The following AIG1 variants were observed in gnomAD, a reference collection of about 807,000 sequenced individuals.
The protein encoded by AIG1 is androgen-induced gene 1 protein.
Under a neutral mutation model 31.4 loss-of-function variants are expected in AIG1, and 23 were observed. That is an observed-to-expected ratio of 0.73 (90% CI 0.53 to 1.04). The LOEUF (loss-of-function observed/expected upper bound fraction) is 1.04, where lower values mean the gene tolerates loss of function less well. AIG1 is among the 50% of genes least tolerant of loss of function. The pLI, the probability that AIG1 is intolerant of heterozygous loss-of-function variation, is 0.00. For synonymous variants in AIG1, 100 were observed against 110.5 expected (o/e 0.90, Z 0.60); for missense variants, 274 against 295.0 (o/e 0.93, Z 0.52).
intron 3 of AIG1, among the ~76,000 whole-genome samples, chr6:143,185,079 C>T (rs1480728027): frequency 6.6e-6 from 1 of 151,876 alleles, no homozygotes; most frequent in Non-Finnish European, 1.5e-5. Flanking sequence ...GCCTGTAGTC[C>T]CACCTACTTG....
Position 143,297,001 on chromosome 6 carries a change from G to A in AIG1, c.515+12776G>A, listed in dbSNP as rs1798469756. 6.6e-6 allele frequency among the ~76,000 whole-genome samples: 1 copy of A among 152,232 alleles called. No individual in the cohort carries two copies. Among genetic ancestry groups the A allele is most frequent in the South Asian group, 2.1e-4 (1 of 4,834 alleles). On this transcript the variant is annotated intron_variant, in intron 4 of 5. Coordinates refer to ENST00000357847, the MANE Select transcript of AIG1 (RefSeq NM_016108.4). The surrounding 1 kb of genome is among the most constrained non-coding windows in gnomAD (Gnocchi z 5.1). ...GTGCAGGAGGTAGACTATGGAAGAA[G>A]CTTCAGCTCTGTCCTCAAGGAGCTT...
At chr6:143,126,113 T>G (rs978527000) in intron 1 of AIG1, 1 of 152,198 alleles carries the variant, frequency 6.6e-6, no homozygotes, top group Non-Finnish European at 1.5e-5. Flanking sequence ...ATTTCGGTCA[T>G]TACAGTGAGA....
intron 1 of AIG1, among the ~76,000 whole-genome samples, chr6:143,071,959 T>TA (rs1562344542): frequency 6.7e-6 from 1 of 149,996 alleles, no homozygotes. Context: ...TGTTTTTTTT[T>TA]AAATTTTTTT....
Position 143,105,618 on chromosome 6 carries a change from A to G in AIG1, c.142-31217A>G, listed in dbSNP as rs118041868. Among the ~76,000 whole-genome samples, 1,269 of 152,372 alleles carry G rather than the reference A, an allele frequency of 8.3e-3. 8 individuals carry two copies. The highest frequency in any genetic ancestry group is 0.014 in the Non-Finnish European group (920 of 68,030). ...ACAGTCCTATCCTTGAATTGGCAAT[A>G]TAAGCGAAGGATCGTTTTAGGTTAG... On this transcript the variant is annotated intron_variant, in intron 1 of 5. Coordinates refer to ENST00000357847, the MANE Select transcript of AIG1 (RefSeq NM_016108.4).
chr6:143,101,472 G>T (rs1424604975), intron 1 of AIG1, among the ~76,000 whole-genome samples: 1 of 152,180 alleles, frequency 6.6e-6, no homozygotes, highest in East Asian at 1.9e-4. Context: ...AGGATTAAGG[G>T]TCTAGATTCC....
At chr6:143,190,067 G>A in intron 3 of AIG1, 1 of 630,388 alleles carries the variant, frequency 1.6e-6, no homozygotes, top group Non-Finnish European at 2.0e-6. Context: ...CCCATTCATT[G>A]AGGATTCCAC....
Position 143,307,786 on chromosome 6 carries a change from C to T in AIG1, c.515+23561C>T, listed in dbSNP as rs567997190. 1.9e-4 allele frequency among the ~76,000 whole-genome samples: 29 copies of T among 152,362 alleles called. No homozygotes were observed. In the East Asian group the frequency reaches 5.2e-3, roughly 27 times the overall value. ...AGGTTACTGCTGTCTTTTTGTTTGT[C>T]TGTGCCCTGCCCCCAGAGGTGGAGC... On this transcript the variant is annotated intron_variant, in intron 4 of 5. Transcript: ENST00000357847.
chr6:143,213,993 A>T (rs6916926), intron 3 of AIG1, among the ~76,000 whole-genome samples: 1 of 152,196 alleles, frequency 6.6e-6, no homozygotes, highest in Admixed American at 6.5e-5. Flanking sequence ...CTAGAGAAAC[A>T]GATCTTTCAT....
At chr6:143,244,753 C>T (rs780746576) in intron 3 of AIG1, among the ~76,000 whole-genome samples, 28 of 152,280 alleles carry the variant, frequency 1.8e-4, no homozygotes, top group Non-Finnish European at 3.1e-4. Context: ...ATCTCAGTGT[C>T]TTATCAGGTG....
intron 5 of AIG1, 52 bp from the exon 6 acceptor site, chr6:143,339,587 T>A: frequency 5.0e-6 from 8 of 1,584,398 alleles, no homozygotes; most frequent in Non-Finnish European, 6.9e-6. Flanking sequence ...TTAAACAAAC[T>A]GCTTGTGGTT....
intron 3 of AIG1, among the ~76,000 whole-genome samples, chr6:143,219,156 T>C (rs965426720): frequency 5.3e-5 from 8 of 152,190 alleles, no homozygotes; most frequent in African/African-American, 1.9e-4. Context: ...GAGTAGCAAA[T>C]GCCATATCTG....
At chr6:143,320,855 C>G (rs982078995) in intron 4 of AIG1, among the ~76,000 whole-genome samples, 1 of 141,866 alleles carries the variant, frequency 7.0e-6, no homozygotes, top group African/African-American at 2.6e-5. Flanking sequence ...GAGTTTCGCT[C>G]TTGTTGCCCA....
rs1776635458 is a variant in AIG1, at chr6:143,326,629, C to G, written c.516-6653C>G. Among the ~76,000 whole-genome samples, 1 of 152,150 alleles carries G rather than the reference C, an allele frequency of 6.6e-6. No individual in the cohort carries two copies. The highest frequency in any genetic ancestry group is 2.1e-4 in the South Asian group (1 of 4,828). On this transcript the variant is annotated intron_variant, in intron 4 of 5. Coordinates refer to ENST00000357847, the MANE Select transcript of AIG1 (RefSeq NM_016108.4). The surrounding 1 kb of genome is among the most constrained non-coding windows in gnomAD (Gnocchi z 4.5). ...TTAAAAATGAATGAGAGCCCTAGTT[C>G]TATAAGAACTTATAAAAATCTGTCC...
intron 4 of AIG1, among the ~76,000 whole-genome samples, chr6:143,332,184 A>G (rs1777139516): frequency 1.2e-4 from 19 of 152,140 alleles, no homozygotes; most frequent in Admixed American, 1.2e-3. Context: ...TAATATTTAT[A>G]TGTAGATAAA....
intron 5 of AIG1, among the ~76,000 whole-genome samples, chr6:143,336,480 A>T (rs1777502071): frequency 6.6e-6 from 1 of 152,188 alleles, no homozygotes; most frequent in African/African-American, 2.4e-5. Context: ...TTTGTATAAG[A>T]ATACCAGTTG....
At chr6:143,216,345 G>A (rs1286414422) in intron 3 of AIG1, among the ~76,000 whole-genome samples, 1 of 152,200 alleles carries the variant, frequency 6.6e-6, no homozygotes, top group Non-Finnish European at 1.5e-5. Flanking sequence ...ATATAAATGG[G>A]ACAGTCATCA....
chr6:143,239,927 C>A (rs922912640), intron 3 of AIG1, among the ~76,000 whole-genome samples: 4 of 152,192 alleles, frequency 2.6e-5, no homozygotes, highest in African/African-American at 9.7e-5. Flanking sequence ...AAGCAGAGGC[C>A]AAATAGCTCC....
Position 143,291,805 on chromosome 6 carries a change from C to T in AIG1, c.515+7580C>T, listed in dbSNP as rs1302305481. ...AGAGTGAGGGAGAGTGCACAGAGCT[C>T]CTAGGGTGAGGGAAGGAGAGCATTA... On this transcript the variant is annotated intron_variant, in intron 4 of 5. Transcript: ENST00000357847. This position sits in a 1 kb window ranked among gnomAD's most constrained non-coding sequence, Gnocchi z 4.2. 6.6e-6 allele frequency among the ~76,000 whole-genome samples: 1 copy of T among 152,090 alleles called. No homozygotes were observed. Among genetic ancestry groups the T allele is most frequent in the Non-Finnish European group, 1.5e-5 (1 of 68,038 alleles).
chr6:143,145,478 G>A (rs1784624285), intron 2 of AIG1, among the ~76,000 whole-genome samples: 1 of 152,124 alleles, frequency 6.6e-6, no homozygotes, highest in Admixed American at 6.5e-5. Flanking sequence ...GACAGAAAAG[G>A]AAGAAACTCT....
Sources: allele counts gnomAD v4.1 joint callset (sites outside exome capture counted in the v4.1 genomes callset), GRCh38; gene constraint gnomAD v4.1.1; non-coding constraint Gnocchi (gnomAD v3.1); transcripts MANE v1.5; gene names NCBI Gene and HGNC (gene_info 2026-07-23, HGNC 2026-07-21).